The following AKAP9 variants were observed in gnomAD, a reference collection of about 807,000 sequenced individuals.
The protein encoded by AKAP9 is A-kinase anchoring protein 9, also known as A-kinase anchor protein 9.
A neutral mutation model predicts 488.5 loss-of-function variants in AKAP9; 311 were observed. The ratio of observed to expected loss-of-function variants is 0.64; its 90% CI spans 0.58 to 0.70. The LOEUF is 0.70. Among genes scored for constraint, AKAP9 ranks in the 30% least tolerant of loss-of-function variants. The probability of loss-of-function intolerance (pLI) is 0.00; values close to 1 mark genes in which losing one functional copy is unlikely to be tolerated. For synonymous variants in AKAP9, 1,462 were observed against 1,483.5 expected, an observed-to-expected ratio of 0.99 and a Z score of 0.33; for missense variants, 4,215 against 4,374.5, an observed-to-expected ratio of 0.96 and a Z score of 1.03.
chr7:92,024,238 T>A (rs906134135), intron 14 of AKAP9, among the ~76,000 whole-genome samples: 2 of 151,220 alleles, frequency 1.3e-5, no homozygotes, highest in East Asian at 1.9e-4. Context: ...ATGGCAAACC[T>A]CCATCTCTAC....
intron 16 of AKAP9, among the ~76,000 whole-genome samples, chr7:92,033,607 G>C (rs1804668566): frequency 6.6e-6 from 1 of 151,962 alleles, no homozygotes; most frequent in African/African-American, 2.4e-5. Flanking sequence ...CACCACCCCA[G>C]CTAATTTTTT....
intron 24 of AKAP9, among the ~76,000 whole-genome samples, chr7:92,064,935 G>A (rs1810526237): frequency 6.6e-6 from 1 of 151,308 alleles, no homozygotes. Flanking sequence ...AGTAAAAATA[G>A]ATTTTTTTTT....
At chr7:92,041,908 A>T in intron 18 of AKAP9, 138 bp from the exon 19 acceptor site, 1 of 850,542 alleles carries the variant, frequency 1.2e-6, no homozygotes, top group Non-Finnish European at 1.8e-6. Context: ...ATATACTTTT[A>T]ACCCCTTACG....
Position 91,998,418 on chromosome 7 carries a change from C to CTTTTTT in AKAP9, c.931-2398_931-2393dup, listed in dbSNP as rs60778133. Among the ~76,000 whole-genome samples the CTTTTTT allele has an allele frequency of 8.0e-4, 43 of 53,990 alleles. 14 individuals are homozygous for CTTTTTT. Among genetic ancestry groups the CTTTTTT allele is most frequent in the Non-Finnish European group, 1.1e-3 (29 of 25,224 alleles). 35.4% of individuals were successfully genotyped at this position (53,990 alleles called of 152,430 possible). On this transcript the variant is annotated intron_variant, in intron 7 of 49. Transcript: ENST00000356239. ...AGATAGTGTATTCAACCACAGGGCT[C>CTTTTTT]TTTTTTTTTTTTTTTTTTTTTTTTT...
rs754335465 is a variant in AKAP9 at position 91,992,178 on chromosome 7, G to A, written c.372G>A (p.Val124=). Residue 124 remains valine, a synonymous_variant, in exon 4 of 50, where the codon GTG becomes GTA. Coordinates refer to ENST00000356239, the MANE Select transcript of AKAP9 (RefSeq NM_005751.5). ...CSSEVNGCSF[V]MRTGKPTNLL... ...TACAGGTAAATGGTTGCAGTTTTGT[G>A]ATGAGAACAGGAAAGCCTACAAATT... The A allele has an allele frequency of 3.1e-6, 5 of 1,609,816 alleles. No individual in the cohort carries two copies. Among genetic ancestry groups the A allele is most frequent in the Non-Finnish European group, 4.3e-6 (5 of 1,176,280 alleles).
chr7:91,988,465 T>C (rs2130621250), intron 3 of AKAP9, among the ~76,000 whole-genome samples: 1 of 152,192 alleles, frequency 6.6e-6, no homozygotes, highest in South Asian at 2.1e-4. Flanking sequence ...AGTGAGACCT[T>C]GTCTCAAAAA....
At position 92,065,230 on chromosome 7, in the gene AKAP9, G is replaced by T; in HGVS notation, c.5978-1G>T. 1 of 1,563,768 alleles carries T rather than the reference G, an allele frequency of 6.4e-7. No homozygotes were observed. The highest frequency in any genetic ancestry group is 1.1e-5 in the South Asian group (1 of 89,082). On this transcript the variant is annotated splice_acceptor_variant, in intron 24 of 49. Coordinates refer to ENST00000356239, the MANE Select transcript of AKAP9 (RefSeq NM_005751.5). LOFTEE classifies it high-confidence loss of function. ...TCAGTATATTTTGTATTAATAAACA[G>T]AATTACTACAGGAGACAGAAAAATT...
In AKAP9 at chr7:91,963,482, TCACACACACACACACACACA is replaced by T. The variant is rs56800758; in HGVS notation, c.49-10202_49-10183del. On this transcript the variant is annotated intron_variant, in intron 1 of 49. Transcript: ENST00000356239. ...TGTTATTCTGTAGATAACATATTTG[TCACACACACACACACACACA>T]CACACACACACACACACACACACAC... 3.0e-3 allele frequency among the ~76,000 whole-genome samples: 413 copies of T among 139,314 alleles called. 2 individuals carry two copies. Among genetic ancestry groups the T allele is most frequent in the African/African-American group, 0.01 (389 of 38,356 alleles). The allele number at this position is 139,314 out of a possible 152,430, so 91.4% of individuals were successfully genotyped here.
At chr7:92,010,334 T>A (rs891605566) in intron 8 of AKAP9, among the ~76,000 whole-genome samples, 3 of 152,246 alleles carry the variant, frequency 2.0e-5, no homozygotes, top group African/African-American at 7.2e-5. Context: ...CCTTTGATCA[T>A]TCGCAGGACT....
intron 22 of AKAP9, chr7:92,057,729 G>A (rs1395583627): frequency 4.5e-6 from 1 of 221,572 alleles, no homozygotes; most frequent in Non-Finnish European, 9.0e-6. Context: ...TCCCTGCCAG[G>A]TTCTGCTTTG....
chr7:92,108,190 A>T (rs1373618299), intron 48 of AKAP9, among the ~76,000 whole-genome samples: 1 of 152,208 alleles, frequency 6.6e-6, no homozygotes, highest in Non-Finnish European at 1.5e-5. Context: ...ACTAAAATTG[A>T]TACTCTGATC....
intron 28 of AKAP9, among the ~76,000 whole-genome samples, chr7:92,073,369 G>C (rs905334282): frequency 1.3e-5 from 2 of 151,282 alleles, no homozygotes; most frequent in Non-Finnish European, 2.9e-5. Context: ...AGCCGGGTGT[G>C]GTGGCGGGCG....
rs12536013 is a variant in AKAP9 at position 92,047,410 on chromosome 7, G to A, written c.5368+2197G>A. On this transcript the variant is annotated intron_variant, in intron 21 of 49. Coordinates refer to ENST00000356239, the MANE Select transcript of AKAP9 (RefSeq NM_005751.5). Reference sequence around the variant, plus strand: ...ATTTTTGTATTTTTAGTAGAGACAGGGTTTCACTATGTTAGCCAGGCTGGT... The same window carrying A: ...ATTTTTGTATTTTTAGTAGAGACAGAGTTTCACTATGTTAGCCAGGCTGGT... Among the ~76,000 whole-genome samples, 1,413 of 152,188 alleles carry A rather than the reference G, an allele frequency of 9.3e-3. 59 individuals are homozygous for A. Among genetic ancestry groups the A allele is most frequent in the East Asian group, 0.084 (437 of 5,172 alleles).
At chr7:92,098,059 A>G in intron 42 of AKAP9, 50 bp from the exon 43 acceptor site, 1 of 1,243,332 alleles carries the variant, frequency 8.0e-7, no homozygotes, top group Non-Finnish European at 1.2e-6. Flanking sequence ...GTGGTAGTAA[A>G]CACCCCCAAT....
intron 2 of AKAP9, among the ~76,000 whole-genome samples, chr7:91,977,716 G>A (rs1390069577): frequency 5.3e-5 from 8 of 152,104 alleles, no homozygotes; most frequent in African/African-American, 2.4e-5. Flanking sequence ...ATTAAAACTG[G>A]AATTTTAAAA....
intron 14 of AKAP9, among the ~76,000 whole-genome samples, chr7:92,028,196 T>G (rs540084403): frequency 6.7e-6 from 1 of 149,612 alleles, no homozygotes; most frequent in Non-Finnish European, 1.5e-5. Flanking sequence ...CCAGAGACCT[T>G]TGTTCACGTG....
intron 1 of AKAP9, among the ~76,000 whole-genome samples, chr7:91,953,225 A>G (rs1212423835): frequency 6.6e-6 from 1 of 152,200 alleles, no homozygotes; most frequent in Non-Finnish European, 1.5e-5. Context: ...GTGAGCATGG[A>G]GAGGAGGTTT....
At chr7:92,011,564 G>A (rs1800744411) in intron 8 of AKAP9, among the ~76,000 whole-genome samples, 1 of 152,070 alleles carries the variant, frequency 6.6e-6, no homozygotes, top group South Asian at 2.1e-4. Flanking sequence ...GAATAATCAA[G>A]AGAACCCTAG....
rs921842822 is a variant in AKAP9 at position 92,099,990 on chromosome 7, G to T, written c.10896+121G>T. ...ATCACACACCTGATTCTTAGGATCTGTAGAAAATTTTATAGGGATGACAAT... is the reference window on the plus strand; with the variant it reads ...ATCACACACCTGATTCTTAGGATCTTTAGAAAATTTTATAGGGATGACAAT... On this transcript the variant is annotated intron_variant, in intron 44 of 49. Coordinates refer to ENST00000356239, the MANE Select transcript of AKAP9 (RefSeq NM_005751.5). The T allele has an allele frequency of 3.3e-6, 3 of 919,308 alleles. No homozygotes were observed. The African/African-American group carries it at 5.0e-5, about 15-fold the overall frequency. 56.9% of individuals were successfully genotyped at this position (919,308 alleles called of 1,614,324 possible). A position where few individuals can be genotyped will look rare whatever the true frequency, so the allele number is the denominator to read the frequency against.
Sources: allele counts gnomAD v4.1 joint callset (sites outside exome capture counted in the v4.1 genomes callset), GRCh38; gene constraint gnomAD v4.1.1; transcripts MANE v1.5; gene names NCBI Gene and HGNC (gene_info 2026-07-23, HGNC 2026-07-21).